Variants in SH3GLB2 observed in about 807,000 individuals in gnomAD.
SH3GLB2 encodes the protein SH3 domain containing GRB2 like, endophilin B2.
Under a neutral mutation model 48.0 loss-of-function variants are expected in SH3GLB2, and 24 were observed. The observed-to-expected ratio is 0.50, with a 90% CI of 0.36 to 0.70. SH3GLB2 has a LOEUF of 0.70. SH3GLB2 is among the 30% of genes least tolerant of loss of function. The pLI, the probability that SH3GLB2 is intolerant of heterozygous loss-of-function variation, is 0.00. For synonymous variants in SH3GLB2, 227 were observed against 207.6 expected (o/e 1.09, Z -0.80); for missense variants, 425 against 516.0 (o/e 0.82, Z 1.71).
Position 129,017,682 on chromosome 9 carries a change from C to T in SH3GLB2, c.335-2778G>A, listed in dbSNP as rs138304102. Among the ~76,000 whole-genome samples the T allele has an allele frequency of 4.6e-5, 7 of 151,484 alleles. No homozygotes were observed. The South Asian group carries it at 6.3e-4, about 14-fold the overall frequency. ...CTGGGAGGCCAAGGTGGGTGGATCA[C>T]GAGGTCAGGAGATCGACTATCCTGG... On this transcript the variant is annotated intron_variant, in intron 3 of 10. Coordinates refer to ENST00000372564, the MANE Select transcript of SH3GLB2 (RefSeq NM_020145.4).
chr9:129,019,295 G>A (rs900831405), intron 3 of SH3GLB2, among the ~76,000 whole-genome samples: 5 of 152,038 alleles, frequency 3.3e-5, no homozygotes, highest in Non-Finnish European at 7.3e-5. Context: ...GGCTGAGGTG[G>A]AAGGATGCCT....
At chr9:129,019,294 G>A (rs1344348950) in intron 3 of SH3GLB2, among the ~76,000 whole-genome samples, 2 of 151,950 alleles carry the variant, frequency 1.3e-5, no homozygotes, top group Non-Finnish European at 1.5e-5. Flanking sequence ...AGGCTGAGGT[G>A]GAAGGATGCC....
At chr9:129,015,853 G>A (rs772358153) in intron 3 of SH3GLB2, 1 of 350,706 alleles carries the variant, frequency 2.9e-6, no homozygotes, top group South Asian at 2.2e-5. Context: ...GGGTGACACA[G>A]CAAGATCCTG....
intron 1 of SH3GLB2, among the ~76,000 whole-genome samples, chr9:129,024,566 A>AC (rs1298239056): frequency 6.6e-6 from 1 of 151,352 alleles, no homozygotes; most frequent in East Asian, 2.0e-4. Flanking sequence ...CAAAAAAAAA[A>AC]AAAAAAATTA....
chr9:129,012,508 T>G, intron 5 of SH3GLB2: 1 of 417,512 alleles, frequency 2.4e-6, no homozygotes. Context: ...CAGACAAAGA[T>G]CAAGTGGCTG....
In SH3GLB2 at chr9:129,010,156, C is replaced by T. The variant is rs757618832; in HGVS notation, c.702G>A (p.Val234=). ...TGATTCCCTCCAGCAAGAGACGGGT[C>T]ACTTCTGCTTGCCGGTCAAACTCTG... ...AQTEFDRQAE[V]TRLLLEGISS... Residue 234 remains valine, a synonymous_variant, in exon 8 of 11, where the codon GTG becomes GTA. Coordinates refer to ENST00000372564, the MANE Select transcript of SH3GLB2 (RefSeq NM_020145.4). The T allele has an allele frequency of 6.2e-7, 1 of 1,614,052 alleles. No homozygotes were observed. The highest frequency in any genetic ancestry group is 1.1e-5 in the South Asian group (1 of 91,064).
In SH3GLB2 at chr9:129,014,970, G is replaced by C. The variant is rs892996382; in HGVS notation, c.335-66C>G. The C allele has an allele frequency of 6.4e-7, 1 of 1,563,638 alleles. No homozygotes were observed. Among genetic ancestry groups the C allele is most frequent in the African/African-American group, 1.4e-5 (1 of 73,230 alleles). On this transcript the variant is annotated intron_variant, in intron 3 of 10. Coordinates refer to ENST00000372564, the MANE Select transcript of SH3GLB2 (RefSeq NM_020145.4). This position sits in a 1 kb window ranked among gnomAD's most constrained non-coding sequence, Gnocchi z 4.1. ...TCAGGCTACTCTGATCTACAGGAGA[G>C]GGCTCAGGAAGAGCTTGCTGAAGAG...
chr9:129,013,663 G>A (rs1266612707), intron 5 of SH3GLB2: 1 of 189,858 alleles, frequency 5.3e-6, no homozygotes, highest in Non-Finnish European at 1.1e-5. Flanking sequence ...GCCTCCCTCG[G>A]CTAATCAGCT....
At chr9:129,022,563 G>A in intron 1 of SH3GLB2, 140 bp from the exon 2 acceptor site, 1 of 669,470 alleles carries the variant, frequency 1.5e-6, no homozygotes, top group Non-Finnish European at 2.5e-6. Context: ...AGCCCTGAGT[G>A]TGATACTGTG....
chr9:129,022,073 G>A (rs1364216808), intron 2 of SH3GLB2, among the ~76,000 whole-genome samples: 3 of 151,886 alleles, frequency 2.0e-5, no homozygotes, highest in Non-Finnish European at 4.4e-5. Flanking sequence ...GCAAAACTCA[G>A]TGTTTCCACT....
At chr9:129,009,416 C>T (rs1392190581) in intron 9 of SH3GLB2, 70 bp from the exon 10 acceptor site, 1 of 1,550,448 alleles carries the variant, frequency 6.4e-7, no homozygotes, top group African/African-American at 1.4e-5. Context: ...CTCCCCTCCC[C>T]AGCCCCAGGA....
At chr9:129,018,529 A>G (rs1191015845) in intron 3 of SH3GLB2, among the ~76,000 whole-genome samples, 1 of 150,852 alleles carries the variant, frequency 6.6e-6, no homozygotes, top group African/African-American at 2.5e-5. Context: ...GTGAGCCAAG[A>G]TTGCGCCACT....
At chr9:129,012,205 G>A (rs71499435) in intron 6 of SH3GLB2, 31 bp downstream of exon 6, 11 of 1,223,830 alleles carry the variant, frequency 9.0e-6, no homozygotes, top group African/African-American at 1.6e-5. Flanking sequence ...AGAGGAGGAC[G>A]AGGGGTGGGG....
In SH3GLB2 at chr9:129,008,533, C is replaced by G. The variant is rs377375210; in HGVS notation, c.*151G>C. On this transcript the variant is annotated 3_prime_UTR_variant, in exon 11 of 11. Coordinates refer to ENST00000372564, the MANE Select transcript of SH3GLB2 (RefSeq NM_020145.4). ...GGGTGGAGCCATTCAGCCTCAGGCA[C>G]CCTCACAGCTAGGTGACTAGGGGCA... 2 of 636,228 alleles carry G rather than the reference C, an allele frequency of 3.1e-6. No individual in the cohort carries two copies. The highest frequency in any genetic ancestry group is 3.6e-5 in the African/African-American group (2 of 55,600). 39.4% of individuals were successfully genotyped at this position (636,228 alleles called of 1,614,324 possible). A position where few individuals can be genotyped will look rare whatever the true frequency, so the allele number is the denominator to read the frequency against.
chr9:129,016,951 CTTTTTTTTT>C (rs766780203), intron 3 of SH3GLB2, among the ~76,000 whole-genome samples: 1 of 112,426 alleles, frequency 8.9e-6, no homozygotes, highest in Non-Finnish European at 1.8e-5. Context: ...ATACTCTGCT[CTTTTTTTTT>C]TTTTTTTTTT....
At chr9:129,012,143 G>A (rs2131241535) in intron 6 of SH3GLB2, 93 bp downstream of exon 6, 3 of 840,968 alleles carry the variant, frequency 3.6e-6, no homozygotes, top group East Asian at 6.7e-5. Context: ...CCTTACCCAA[G>A]CTGGCTTCTA....
chr9:129,022,477 G>A lies in SH3GLB2; in HGVS notation c.64-54C>T, dbSNP rs17485737. On this transcript the variant is annotated intron_variant, in intron 1 of 10. Transcript: ENST00000372564. ...GGAGGGGGAGAGCTCAGAAGGAGGT[G>A]GGGGAGTGGTGGGGAAAGGGAGGAC... is the stretch of plus-strand genomic sequence containing the variant. 1,179 of 1,511,588 alleles carry A rather than the reference G, an allele frequency of 7.8e-4. 7 individuals carry two copies. In the African/African-American group the frequency reaches 0.015, roughly 19 times the overall value. 93.6% of individuals were successfully genotyped at this position (1,511,588 alleles called of 1,614,324 possible). A position where few individuals can be genotyped will look rare whatever the true frequency, so the allele number is the denominator to read the frequency against.
At chr9:129,009,487 A>G in intron 9 of SH3GLB2, 141 bp from the exon 10 acceptor site, 1 of 1,548,958 alleles carries the variant, frequency 6.5e-7, no homozygotes, top group Non-Finnish European at 8.7e-7. Context: ...CAAAGGGAAA[A>G]GCAAAGCAAG....
intron 3 of SH3GLB2, among the ~76,000 whole-genome samples, chr9:129,016,342 TAAAAAAAAAAAAAA>T (rs57505648): frequency 1.2e-4 from 4 of 34,074 alleles, no homozygotes; most frequent in African/African-American, 1.1e-4. Flanking sequence ...AGACTGTCTT[TAAAAAAAAAAAAAA>T]AAAAAAAAAA....
Sources: allele counts gnomAD v4.1 joint callset (sites outside exome capture counted in the v4.1 genomes callset), GRCh38; gene constraint gnomAD v4.1.1; non-coding constraint Gnocchi (gnomAD v3.1); transcripts MANE v1.5; gene names NCBI Gene and HGNC (gene_info 2026-07-23, HGNC 2026-07-21).